The following USP33 variants were observed in gnomAD, a reference collection of about 807,000 sequenced individuals.
The protein encoded by USP33 is ubiquitin specific peptidase 33, also known as ubiquitin carboxyl-terminal hydrolase 33.
In USP33, 46 loss-of-function variants were observed where a neutral mutation model predicts 124.2. The observed-to-expected ratio is 0.37, with a 90% confidence interval of 0.29 to 0.47. The LOEUF is 0.47. Ranked by LOEUF, USP33 falls within the 20% of genes least tolerant of loss-of-function variation. The probability of loss-of-function intolerance (pLI) is 0.99; values close to 1 mark genes in which losing one functional copy is unlikely to be tolerated. For synonymous variants in USP33, 350 were observed against 352.3 expected, an observed-to-expected ratio of 0.99 and a Z score of 0.07; for missense variants, 851 against 1,070.6, an observed-to-expected ratio of 0.79 and a Z score of 2.86.
At chr1:77,749,485 G>A (rs117841930) in intron 1 of USP33, among the ~76,000 whole-genome samples, 3,126 of 151,894 alleles carry the variant, frequency 0.021, 76 homozygotes, top group East Asian at 0.11. Context: ...AGGTTCGTAC[G>A]ATTCTCTTGT....
chr1:77,728,766 C>T (rs964025621), intron 9 of USP33, 54 bp from the exon 10 acceptor site: 8 of 1,536,234 alleles, frequency 5.2e-6, no homozygotes, highest in African/African-American at 1.4e-5. Context: ...TATATAGAAA[C>T]GTAAGGGAAA....
chr1:77,725,741 G>C lies in USP33; in HGVS notation c.1157C>G (p.Ser386Trp), dbSNP rs890057080. 4 of 1,612,960 alleles carry C rather than the reference G, an allele frequency of 2.5e-6. No individual in the cohort carries two copies. In the Admixed American group the frequency reaches 6.7e-5, roughly 27 times the overall value. The change falls in exon 11 of 24, where the codon TCG becomes TGG. Residue 386 changes from serine to tryptophan, a missense_variant. Around this residue, in one of 4 missense-constraint regions of USP33, gnomAD observed 207 missense variants for 200.9 expected, o/e 1.03. Coordinates refer to ENST00000370794, the MANE Select transcript of USP33 (RefSeq NM_201624.3). ...RASEYITDVH[S>W]NDLSTPQILP... The stretch of plus-strand genomic sequence containing the variant: ...GATCTGTGGTGTAGACAGGTCATTC[G>C]AATGGACATCAGTGATATATTCTGT...
At chr1:77,719,091 T>C (rs781402587) in intron 15 of USP33, among the ~76,000 whole-genome samples, 1 of 152,190 alleles carries the variant, frequency 6.6e-6, no homozygotes, top group Non-Finnish European at 1.5e-5. Context: ...CCAGGCGCAG[T>C]GGCTCACGCC....
intron 9 of USP33, 93 bp downstream of exon 9, chr1:77,729,767 T>C (rs1270676417): frequency 3.2e-5 from 36 of 1,135,094 alleles, no homozygotes; most frequent in Non-Finnish European, 1.5e-5. Flanking sequence ...CAAGGAGTGA[T>C]GACCCCAAAA....
rs772076185 is a variant in USP33, at chr1:77,697,394, G to A, written c.2659C>T (p.Arg887Ter). ...GGATCAACATGAACAACCGGAGGTC[G>A]CAGGATAACTTCAGGCCCTCCACCA... Reference protein sequence around the residue: ...IYGGGPEVILRPPVVHVDPDI... With the variant: ...IYGGGPEVIL The change falls in exon 24 of 24, where the codon CGA becomes TGA. Residue 887 changes from arginine (R) to a stop codon, truncating the protein, a stop_gained. Coordinates refer to ENST00000370794, the MANE Select transcript of USP33 (RefSeq NM_201624.3). LOFTEE classifies it high-confidence loss of function. 8.1e-6 allele frequency: 13 copies of A among 1,613,082 alleles called. No homozygotes were observed. The highest frequency in any genetic ancestry group is 6.7e-5 in the East Asian group (3 of 44,844).
chr1:77,739,412 T>C lies in USP33; in HGVS notation c.204A>G (p.Thr68=). Residue 68 remains threonine (T), a synonymous_variant, in exon 5 of 24, where the codon ACA becomes ACG. Transcript: ENST00000370794. ...VDHSTIHSQE[T]KHYLTVNLTT... ...TAAGGTTCACAGTTAGATAATGCTT[T>C]GTCTCCTATATAATTTCACAGTAGA... The C allele has an allele frequency of 6.2e-7, 1 of 1,601,352 alleles. No individual in the cohort carries two copies. Among genetic ancestry groups the C allele is most frequent in the Non-Finnish European group, 8.5e-7 (1 of 1,175,026 alleles).
intron 5 of USP33, among the ~76,000 whole-genome samples, chr1:77,737,448 T>C (rs754424690): frequency 2.6e-5 from 4 of 152,218 alleles, no homozygotes; most frequent in Non-Finnish European, 5.9e-5. Context: ...TTTTACTATC[T>C]AGAAAAAATG....
At chr1:77,732,413 A>G (rs1199636025) in intron 7 of USP33, among the ~76,000 whole-genome samples, 1 of 152,126 alleles carries the variant, frequency 6.6e-6, no homozygotes, top group South Asian at 2.1e-4. Flanking sequence ...AATCATTATC[A>G]TAGTCTCCTA....
At chr1:77,721,145 AT>A (rs1227940064) in intron 15 of USP33, 26 bp downstream of exon 15, 3 of 1,613,402 alleles carry the variant, frequency 1.9e-6, no homozygotes, top group East Asian at 2.2e-5. Flanking sequence ...ACAACATGCA[AT>A]TAAAAGCACT....
chr1:77,717,683 T>C (rs1480076845), intron 17 of USP33, 184 bp downstream of exon 17: 15 of 370,254 alleles, frequency 4.1e-5, no homozygotes, highest in Non-Finnish European at 6.6e-5. Flanking sequence ...TGTTTATTTA[T>C]TTATTTTGTA....
chr1:77,740,354 C>CTT (rs772557695), intron 4 of USP33, among the ~76,000 whole-genome samples: 9 of 143,082 alleles, frequency 6.3e-5, no homozygotes, highest in Non-Finnish European at 7.7e-5. Flanking sequence ...TGGATATACA[C>CTT]TTTTTTTTTT....
At position 77,732,789 on chromosome 1, in the gene USP33, CT is replaced by C. The variant is rs939934675; in HGVS notation, c.524+1557del. ...TCAAGTTTCAGAGTAAATGTCTCTTCTTTTTTTTTTTTTTTTTTTTTTTTGA... is the reference window on the plus strand; with the variant it reads ...TCAAGTTTCAGAGTAAATGTCTCTTCTTTTTTTTTTTTTTTTTTTTTTTGA... On this transcript the variant is annotated intron_variant, in intron 7 of 23. Transcript: ENST00000370794. Among the ~76,000 whole-genome samples, 664 of 104,894 alleles carry C rather than the reference CT, an allele frequency of 6.3e-3. 3 individuals are homozygous for C. Among genetic ancestry groups the C allele is most frequent in the African/African-American group, 0.016 (420 of 26,666 alleles). The allele number at this position is 104,894 out of a possible 152,430, so 68.8% of individuals were successfully genotyped here. A position where few individuals can be genotyped will look rare whatever the true frequency, so the allele number is the denominator to read the frequency against.
intron 17 of USP33, among the ~76,000 whole-genome samples, chr1:77,717,316 C>T (rs907233199): frequency 8.6e-5 from 13 of 152,014 alleles, no homozygotes; most frequent in African/African-American, 2.2e-4. Context: ...GGTGAAACCC[C>T]GTCTCCACTA....
At chr1:77,698,070 T>A in intron 22 of USP33, 139 bp from the exon 23 acceptor site, 11 of 338,316 alleles carry the variant, frequency 3.3e-5, no homozygotes, top group Non-Finnish European at 5.1e-5. Flanking sequence ...AGTTAATTCT[T>A]TTTTTTTTTT....
chr1:77,708,490 AC>A (rs1674880900), intron 21 of USP33, among the ~76,000 whole-genome samples: 1 of 152,150 alleles, frequency 6.6e-6, no homozygotes. Flanking sequence ...TGAATAATTC[AC>A]TTGGGTCCTG....
At chr1:77,708,648 T>G (rs1276030853) in intron 21 of USP33, among the ~76,000 whole-genome samples, 1 of 152,228 alleles carries the variant, frequency 6.6e-6, no homozygotes, top group African/African-American at 2.4e-5. Context: ...CAAAGAAATT[T>G]TCTTTACCTA....
At chr1:77,720,578 G>A (rs371402152) in intron 15 of USP33, 481 of 985,374 alleles carry the variant, frequency 4.9e-4, no homozygotes, top group East Asian at 1.7e-3. Flanking sequence ...TTAGCAAGCC[G>A]TTGCATTCCT....
intron 6 of USP33, among the ~76,000 whole-genome samples, 162 bp downstream of exon 6, chr1:77,735,894 A>C (rs1478394481): frequency 1.3e-5 from 2 of 152,196 alleles, no homozygotes; most frequent in African/African-American, 2.4e-5. Context: ...AGAAACCAAA[A>C]GTTTGTTTTG....
intron 6 of USP33, among the ~76,000 whole-genome samples, chr1:77,735,752 T>A (rs926276938): frequency 6.6e-6 from 1 of 152,020 alleles, no homozygotes; most frequent in Non-Finnish European, 1.5e-5. Context: ...ACCTAATACC[T>A]CCCCATCACT....
Sources: allele counts gnomAD v4.1 joint callset (sites outside exome capture counted in the v4.1 genomes callset), GRCh38; gene constraint gnomAD v4.1.1; regional missense constraint gnomAD v4.1.1; transcripts MANE v1.5; gene names NCBI Gene and HGNC (gene_info 2026-07-23, HGNC 2026-07-21).